Variants in PCDHGB3 observed in about 807,000 individuals in gnomAD.
PCDHGB3 encodes the protein protocadherin gamma-B3.
PCDHGB3 carries 40 observed loss-of-function variants against 59.2 expected under a neutral mutation model. The ratio of observed to expected loss-of-function variants is 0.68; its 90% CI spans 0.52 to 0.88. The LOEUF (loss-of-function observed/expected upper bound fraction) is 0.88, where lower values mean the gene tolerates loss of function less well. Ranked by LOEUF, PCDHGB3 falls within the 40% of genes least tolerant of loss-of-function variation. PCDHGB3 has a pLI of 0.00. For synonymous variants in PCDHGB3, 581 were observed against 503.6 expected (o/e 1.15, Z -2.06); for missense variants, 1,309 against 1,187.9 (o/e 1.10, Z -1.50).
chr5:141,423,260 G>A (rs1402237346), intron 1 of PCDHGB3: 2 of 1,613,996 alleles, frequency 1.2e-6, no homozygotes, highest in South Asian at 1.1e-5. Flanking sequence ...GACCTCGGCA[G>A]CCTCGAGTCT....
intron 1 of PCDHGB3, chr5:141,399,446 A>G (rs2093810942): frequency 6.2e-7 from 1 of 1,613,826 alleles, no homozygotes; most frequent in South Asian, 1.1e-5. Flanking sequence ...CATATCAGAG[A>G]CGTCAACGAT....
intron 1 of PCDHGB3, chr5:141,429,222 T>C (rs897099159): frequency 6.6e-6 from 1 of 151,494 alleles, no homozygotes; most frequent in Non-Finnish European, 1.5e-5. Context: ...AAAGTGGGTA[T>C]TATGATACTG....
rs1203060261 is a variant in PCDHGB3, at chr5:141,493,037, AG to A, written c.2416-1768del. 3.3e-5 allele frequency among the ~76,000 whole-genome samples: 5 copies of A among 152,252 alleles called. No individual in the cohort carries two copies. The highest frequency in any genetic ancestry group is 2.6e-4 in the Admixed American group (4 of 15,290). ...AGATGCCAGGGTGCCCTTATGTGTG[AG>A]GAAACTACAATAGTAAAAAACACAA... is the stretch of plus-strand genomic sequence containing the variant. On this transcript the variant is annotated intron_variant, in intron 1 of 3. Transcript: ENST00000576222. This position sits in a 1 kb window ranked among gnomAD's most constrained non-coding sequence, Gnocchi z 4.3.
At chr5:141,472,040 G>T (rs1431219928) in intron 1 of PCDHGB3, among the ~76,000 whole-genome samples, 4 of 152,018 alleles carry the variant, frequency 2.6e-5, no homozygotes, top group Non-Finnish European at 5.9e-5. Flanking sequence ...GCTGTGAAAA[G>T]ATTTTAAAAA....
intron 1 of PCDHGB3, among the ~76,000 whole-genome samples, chr5:141,475,204 A>G (rs2099360413): frequency 6.6e-6 from 1 of 152,176 alleles, no homozygotes; most frequent in African/African-American, 2.4e-5. Flanking sequence ...AGATCTTGGG[A>G]AAAGGATTGA....
chr5:141,423,241 G>A (rs1485226833), intron 1 of PCDHGB3: 19 of 1,613,954 alleles, frequency 1.2e-5, no homozygotes, highest in Non-Finnish European at 1.4e-5. Flanking sequence ...CATCCCCGAA[G>A]TCCTGGCGGA....
intron 3 of PCDHGB3, chr5:141,507,274 C>T (rs1000866082): frequency 1.3e-5 from 2 of 151,532 alleles, no homozygotes; most frequent in Non-Finnish European, 2.9e-5. Context: ...ACTATTTCAG[C>T]ATAAGTCAGT....
At chr5:141,495,558 A>G (rs2099762084) in intron 2 of PCDHGB3, among the ~76,000 whole-genome samples, 1 of 151,662 alleles carries the variant, frequency 6.6e-6, no homozygotes, top group Admixed American at 6.6e-5. Flanking sequence ...TCGCTTTGCA[A>G]TCTCTGCCTC....
rs549866784 is a variant in PCDHGB3, at chr5:141,437,490, A to G, written c.2416-57317A>G. ...TTTTATAGCATATTTAATCTCGTAGATCACTTTTCAATGAATTATAAGGCT... is the reference window on the plus strand; with the variant it reads ...TTTTATAGCATATTTAATCTCGTAGGTCACTTTTCAATGAATTATAAGGCT... On this transcript the variant is annotated intron_variant, in intron 1 of 3. Coordinates refer to ENST00000576222, the MANE Select transcript of PCDHGB3 (RefSeq NM_018924.5). 2.0e-5 allele frequency among the ~76,000 whole-genome samples: 3 copies of G among 152,308 alleles called. No homozygotes were observed. In the East Asian group the frequency reaches 5.8e-4, roughly 29 times the overall value.
In PCDHGB3 at chr5:141,482,843, G is replaced by T. The variant is rs1005014887; in HGVS notation, c.2416-11964G>T. On this transcript the variant is annotated intron_variant, in intron 1 of 3. Transcript: ENST00000576222. ...TCCTAGCACTTTGGGAGGCCAAGGT[G>T]GGCAGATCACTTGAGGTCAGGAGTT... Among the ~76,000 whole-genome samples the T allele has an allele frequency of 4.3e-5, 6 of 140,152 alleles. No homozygotes were observed. The South Asian group carries it at 8.6e-4, about 20-fold the overall frequency. 91.9% of individuals were successfully genotyped at this position (140,152 alleles called of 152,430 possible).
intron 1 of PCDHGB3, chr5:141,373,862 A>G (rs1168900381): frequency 6.5e-6 from 3 of 464,904 alleles, no homozygotes; most frequent in Non-Finnish European, 1.1e-5. Flanking sequence ...GCTGTTGACC[A>G]ACCTGGGCAA....
intron 1 of PCDHGB3, chr5:141,414,590 G>A: frequency 6.2e-7 from 1 of 1,613,936 alleles, no homozygotes; most frequent in Non-Finnish European, 8.5e-7. Flanking sequence ...AACGCCAGGG[G>A]TGCCTCCATC....
chr5:141,443,307 C>A (rs1447607301), intron 1 of PCDHGB3, among the ~76,000 whole-genome samples: 1 of 136,584 alleles, frequency 7.3e-6, no homozygotes, highest in Non-Finnish European at 1.5e-5. Flanking sequence ...ATGGCAAAAA[C>A]CCATCTCTAC....
intron 1 of PCDHGB3, chr5:141,375,571 C>A (rs760580799): frequency 2.5e-6 from 4 of 1,613,962 alleles, no homozygotes; most frequent in Non-Finnish European, 3.4e-6. Context: ...AAGACACCCT[C>A]CAGGGGGCGC....
rs1562137828 is a variant in PCDHGB3 at position 141,490,359 on chromosome 5, T to C, written c.2416-4448T>C. On this transcript the variant is annotated intron_variant, in intron 1 of 3. Transcript: ENST00000576222. This position sits in a 1 kb window ranked among gnomAD's most constrained non-coding sequence, Gnocchi z 5.4. ...TGGGCACAGTAGTGGGGTTGTTTAA[T>C]GTGCGAGACCGGGACTCAGGTAGAA... The C allele has an allele frequency of 1.9e-6, 3 of 1,614,212 alleles. No individual in the cohort carries two copies. The highest frequency in any genetic ancestry group is 2.5e-6 in the Non-Finnish European group (3 of 1,180,036).
At chr5:141,418,868 G>A in intron 1 of PCDHGB3, 2 of 1,613,998 alleles carry the variant, frequency 1.2e-6, no homozygotes, top group Non-Finnish European at 1.7e-6. Flanking sequence ...AATTGTAGAA[G>A]TTGTAGACGA....
chr5:141,382,592 A>C (rs1264942970), intron 1 of PCDHGB3: 2 of 246,462 alleles, frequency 8.1e-6, no homozygotes, highest in Non-Finnish European at 1.5e-5. Flanking sequence ...TTGAAAGATG[A>C]AACAATTTTC....
chr5:141,390,189 G>A (rs1295174277), intron 1 of PCDHGB3: 3 of 1,613,922 alleles, frequency 1.9e-6, no homozygotes, highest in East Asian at 2.2e-5. Flanking sequence ...AAAATGTAGT[G>A]AGCAGTTGAG....
chr5:141,510,239 C>T (rs2099880022), intron 3 of PCDHGB3, among the ~76,000 whole-genome samples: 1 of 150,434 alleles, frequency 6.6e-6, no homozygotes, highest in Non-Finnish European at 1.5e-5. Flanking sequence ...CGCCACTGCA[C>T]TCCAGGCTGG....
Sources: gnomAD v4.1 joint callset for allele counts (sites outside exome capture counted in the v4.1 genomes callset) on GRCh38, gnomAD v4.1.1 for gene constraint, Gnocchi (gnomAD v3.1) non-coding constraint, MANE v1.5 for transcripts, NCBI Gene and HGNC (gene_info 2026-07-23, HGNC 2026-07-21) for gene names.